UMAD1: variants seen among roughly 807,000 people sequenced by gnomAD.
UMAD1 encodes the protein UBAP1-MVB12-associated (UMA) domain containing 1, also known as UBAP1-MVB12-associated (UMA)-domain containing protein 1.
Under a neutral mutation model 6.1 loss-of-function variants are expected in UMAD1, and 8 were observed. That is an observed-to-expected ratio of 1.30 (90% confidence interval 0.76 to 2.35). The LOEUF (loss-of-function observed/expected upper bound fraction) is 2.35. UMAD1 is among the 30% of genes most tolerant of loss of function. The pLI, the probability that UMAD1 is intolerant of heterozygous loss-of-function variation, is 0.00. For synonymous variants in UMAD1, 56 were observed against 31.4 expected (o/e 1.78, Z -2.61); for missense variants, 130 against 78.4 (o/e 1.66, Z -2.49).
chr7:7,815,519 A>T (rs770051105), intron 3 of UMAD1, among the ~76,000 whole-genome samples: 5 of 152,288 alleles, frequency 3.3e-5, no homozygotes, highest in Admixed American at 1.3e-4. Context: ...CATAGAAGGT[A>T]GTTAAAGTAT....
At position 7,767,128 on chromosome 7, in the gene UMAD1, C is replaced by CTTTTTTTTTTTTTTTTTTT. The variant is rs71014711; in HGVS notation, c.83-34528_83-34527insTTTTTTTTTTTTTTTTTTT. ...AGTGAGCATTTCAAGAAATTAAGCT[C>CTTTTTTTTTTTTTTTTTTT]TTTTTTTTTTTTTTGAGACGGACTC... On this transcript the variant is annotated intron_variant, in intron 2 of 3. Coordinates refer to ENST00000682710, the MANE Select transcript of UMAD1 (RefSeq NM_001302348.2). Among the ~76,000 whole-genome samples, 51 of 129,800 alleles carry CTTTTTTTTTTTTTTTTTTT rather than the reference C, an allele frequency of 3.9e-4. 3 individuals are homozygous for CTTTTTTTTTTTTTTTTTTT. The highest frequency in any genetic ancestry group is 4.4e-3 in the Middle Eastern group (1 of 228). The allele number at this position is 129,800 out of a possible 152,430, so 85.2% of individuals were successfully genotyped here.
At chr7:7,864,145 C>G (rs928777506) in intron 3 of UMAD1, among the ~76,000 whole-genome samples, 1 of 152,118 alleles carries the variant, frequency 6.6e-6, no homozygotes, top group African/African-American at 2.4e-5. Flanking sequence ...TCGATAGGTT[C>G]TTGGAAGCTA....
At chr7:7,717,043 T>C (rs1780928246) in intron 2 of UMAD1, among the ~76,000 whole-genome samples, 3 of 150,640 alleles carry the variant, frequency 2.0e-5, no homozygotes, top group Non-Finnish European at 4.4e-5. Flanking sequence ...TTTTCCTTTT[T>C]CTTTCTTTCT....
At chr7:7,782,678 A>G (rs1583821170) in intron 2 of UMAD1, among the ~76,000 whole-genome samples, 1 of 151,696 alleles carries the variant, frequency 6.6e-6, no homozygotes, top group Non-Finnish European at 1.5e-5. Context: ...CACGTTATTG[A>G]CCGTCTGTGC....
chr7:7,712,375 A>G (rs544269733), intron 2 of UMAD1, among the ~76,000 whole-genome samples: 1 of 152,176 alleles, frequency 6.6e-6, no homozygotes, highest in Non-Finnish European at 1.5e-5. Context: ...AGGTTTCCTT[A>G]ATACATTTTT....
At chr7:7,842,056 G>C (rs538226501) in intron 3 of UMAD1, among the ~76,000 whole-genome samples, 1 of 152,204 alleles carries the variant, frequency 6.6e-6, no homozygotes, top group African/African-American at 2.4e-5. Flanking sequence ...TGTCTCTGTC[G>C]GGTATGTTAG....
At chr7:7,697,173 A>G (rs115853500) in intron 2 of UMAD1, among the ~76,000 whole-genome samples, 1,558 of 152,272 alleles carry the variant, frequency 0.01, 26 homozygotes, top group African/African-American at 0.035. Flanking sequence ...ATCATAATCC[A>G]CTTCTTGATG....
intron 3 of UMAD1, among the ~76,000 whole-genome samples, chr7:7,836,710 A>G (rs550257828): frequency 3.7e-4 from 57 of 152,112 alleles, no homozygotes; most frequent in African/African-American, 1.3e-3. Context: ...GAAATTAAAA[A>G]CAGTTATTCA....
intron 3 of UMAD1, among the ~76,000 whole-genome samples, chr7:7,810,559 A>G (rs1783002075): frequency 6.6e-6 from 1 of 152,192 alleles, no homozygotes; most frequent in African/African-American, 2.4e-5. Flanking sequence ...GATTGCTGCT[A>G]TATAAAAACT....
At chr7:7,827,490 C>G (rs1303804980) in intron 3 of UMAD1, among the ~76,000 whole-genome samples, 1 of 151,666 alleles carries the variant, frequency 6.6e-6, no homozygotes, top group Non-Finnish European at 1.5e-5. Context: ...TATTATTTAT[C>G]CACAGTTTTA....
chr7:7,849,663 A>T (rs79075406), intron 3 of UMAD1, among the ~76,000 whole-genome samples: 5,753 of 152,262 alleles, frequency 0.038, 373 homozygotes, highest in African/African-American at 0.13. Flanking sequence ...ACCCTGCCTC[A>T]TGGAGTTTAC....
intron 3 of UMAD1, among the ~76,000 whole-genome samples, chr7:7,821,632 T>C (rs1783242839): frequency 6.6e-6 from 1 of 152,182 alleles, no homozygotes; most frequent in Admixed American, 6.6e-5. Context: ...CTTTGGTCTC[T>C]TCAAGGGCTC....
intron 3 of UMAD1, among the ~76,000 whole-genome samples, chr7:7,866,636 A>G (rs991111723): frequency 1.3e-5 from 2 of 152,346 alleles, no homozygotes; most frequent in Admixed American, 1.3e-4. Context: ...GGAAAGCAGT[A>G]GGCACCATGA....
At chr7:7,787,584 C>G (rs1464425858) in intron 2 of UMAD1, among the ~76,000 whole-genome samples, 1 of 152,178 alleles carries the variant, frequency 6.6e-6, no homozygotes, top group Non-Finnish European at 1.5e-5. Flanking sequence ...TTACCTCAAA[C>G]TCCATTGTAA....
intron 1 of UMAD1, among the ~76,000 whole-genome samples, chr7:7,664,720 C>T (rs1779393604): frequency 6.6e-6 from 1 of 152,162 alleles, no homozygotes; most frequent in South Asian, 2.1e-4. Flanking sequence ...TCACATTGAT[C>T]TTTCTGGAAT....
intron 2 of UMAD1, chr7:7,736,335 T>G (rs1781358745): frequency 6.5e-6 from 1 of 153,054 alleles, no homozygotes; most frequent in Admixed American, 6.5e-5. Flanking sequence ...AAGTACCAGC[T>G]GTCATTCTAA....
intron 2 of UMAD1, among the ~76,000 whole-genome samples, chr7:7,713,654 G>A (rs1032347726): frequency 1.3e-5 from 2 of 151,318 alleles, no homozygotes; most frequent in Non-Finnish European, 2.9e-5. Context: ...GTTTCATTTT[G>A]ACTTTTTAAG....
chr7:7,656,664 G>GTA (rs1274430788), intron 1 of UMAD1, among the ~76,000 whole-genome samples: 1 of 152,168 alleles, frequency 6.6e-6, no homozygotes, highest in Middle Eastern at 3.2e-3. Context: ...TTTTATGGCT[G>GTA]TATACTATTC....
chr7:7,812,622 A>G (rs1171412137), intron 3 of UMAD1, among the ~76,000 whole-genome samples: 1 of 151,896 alleles, frequency 6.6e-6, no homozygotes, highest in Non-Finnish European at 1.5e-5. Context: ...ATCTAGTTTT[A>G]TGTCTTCAAT....
Sources: allele counts gnomAD v4.1 joint callset (sites outside exome capture counted in the v4.1 genomes callset), GRCh38; gene constraint gnomAD v4.1.1; transcripts MANE v1.5; gene names NCBI Gene and HGNC (gene_info 2026-07-23, HGNC 2026-07-21).